UBE2G1: variants seen among roughly 807,000 people sequenced by gnomAD.
The protein encoded by UBE2G1 is ubiquitin conjugating enzyme E2 G1, also known as ubiquitin-conjugating enzyme E2 G1.
In UBE2G1, 5 loss-of-function variants were observed where a neutral mutation model predicts 22.7. That is an observed-to-expected ratio of 0.22 (90% CI 0.12 to 0.46). UBE2G1 has a LOEUF of 0.46. UBE2G1 is among the 20% of genes least tolerant of loss of function. The pLI, the probability that UBE2G1 is intolerant of heterozygous loss-of-function variation, is 0.99. For synonymous variants in UBE2G1, 74 were observed against 67.5 expected (o/e 1.10, Z -0.47); for missense variants, 88 against 203.9 (o/e 0.43, Z 3.46).
At chr17:4,358,241 T>C (rs1969929165) in intron 1 of UBE2G1, among the ~76,000 whole-genome samples, 1 of 152,182 alleles carries the variant, frequency 6.6e-6, no homozygotes, top group African/African-American at 2.4e-5. Flanking sequence ...GTATGTCCTC[T>C]TCAGTGAAAT....
chr17:4,289,270 G>A lies in UBE2G1; in HGVS notation c.386C>T (p.Ala129Val). ...AGCAGGTGAGTCTCCATTAGGGTCTGCCAGCATAGAAATGACACTAATCAT... is the reference window on the plus strand; with the variant it reads ...AGCAGGTGAGTCTCCATTAGGGTCTACCAGCATAGAAATGACACTAATCAT... ...TIMISVISMLADPNGDSPANV... is the reference protein window; with the variant it reads ...TIMISVISMLVDPNGDSPANV... The change falls in exon 4 of 6, where the codon GCA becomes GTA. Residue 129 changes from alanine (A) to valine (V), a missense_variant. Physicochemically the swap from Ala to Val is moderately conservative, Grantham distance 64 (BLOSUM62 0). Transcript: ENST00000396981. 1 of 1,596,934 alleles carries A rather than the reference G, an allele frequency of 6.3e-7. No individual in the cohort carries two copies. The highest frequency in any genetic ancestry group is 8.5e-7 in the Non-Finnish European group (1 of 1,171,972).
In UBE2G1 at chr17:4,270,253, C is replaced by A. The variant is rs1418612329; in HGVS notation, c.*2301G>T. Reference sequence around the variant, plus strand: ...TTTGCTGCTTGCTGAAGAGTCAGATCCCAAGTTTCACCTCAACAGATTGCT... The same window carrying A: ...TTTGCTGCTTGCTGAAGAGTCAGATACCAAGTTTCACCTCAACAGATTGCT... On this transcript the variant is annotated 3_prime_UTR_variant, in exon 6 of 6. Transcript: ENST00000396981. 1 of 152,584 alleles carries A rather than the reference C, an allele frequency of 6.6e-6. No homozygotes were observed. The highest frequency in any genetic ancestry group is 1.5e-5 in the Non-Finnish European group (1 of 68,024). 9.5% of individuals were successfully genotyped at this position (152,584 alleles called of 1,614,324 possible).
chr17:4,298,846 C>T (rs1225075768), intron 2 of UBE2G1, among the ~76,000 whole-genome samples: 3 of 152,120 alleles, frequency 2.0e-5, no homozygotes, highest in Admixed American at 6.5e-5. Flanking sequence ...CCCACCATAG[C>T]GCCTTACTTT....
At chr17:4,352,290 T>G (rs1029763313) in intron 1 of UBE2G1, among the ~76,000 whole-genome samples, 1 of 152,172 alleles carries the variant, frequency 6.6e-6, no homozygotes, top group African/African-American at 2.4e-5. Context: ...AGGGCAGTGA[T>G]GCACTCATGG....
chr17:4,346,652 T>C (rs1969778394), intron 1 of UBE2G1, among the ~76,000 whole-genome samples: 1 of 150,348 alleles, frequency 6.7e-6, no homozygotes, highest in Non-Finnish European at 1.5e-5. Flanking sequence ...GCCAGGCTGG[T>C]CTTGAACTCC....
At chr17:4,294,483 A>G (rs1475446520) in intron 3 of UBE2G1, among the ~76,000 whole-genome samples, 1 of 152,134 alleles carries the variant, frequency 6.6e-6, no homozygotes, top group East Asian at 1.9e-4. Context: ...AGTCTCTTCA[A>G]CCTTAAAACA....
intron 1 of UBE2G1, among the ~76,000 whole-genome samples, chr17:4,320,601 C>T (rs1235960834): frequency 6.6e-6 from 1 of 152,124 alleles, no homozygotes. Context: ...AGAATATTTT[C>T]AACTTTCTTT....
intron 1 of UBE2G1, among the ~76,000 whole-genome samples, chr17:4,340,845 T>C (rs1457972952): frequency 6.8e-6 from 1 of 147,562 alleles, no homozygotes; most frequent in Admixed American, 6.8e-5. Context: ...TGGTCTCAAG[T>C]GACCCTCCCA....
rs1381874998 is a variant in UBE2G1, at chr17:4,269,426, T to C, written c.*3128A>G. On this transcript the variant is annotated 3_prime_UTR_variant, in exon 6 of 6. Transcript: ENST00000396981. The stretch of plus-strand genomic sequence containing the variant: ...GCAACATTATGTCAAATTTCAAAGA[T>C]GCTGAGAAGTGGCAGTACAAAAAAG... 1 of 160,602 alleles carries C rather than the reference T, an allele frequency of 6.2e-6. No individual in the cohort carries two copies. Among genetic ancestry groups the C allele is most frequent in the African/African-American group, 2.4e-5 (1 of 41,472 alleles). The allele number at this position is 160,602 out of a possible 1,614,324, so 9.9% of individuals were successfully genotyped here.
At chr17:4,366,115 G>C (rs1431490043) in intron 1 of UBE2G1, among the ~76,000 whole-genome samples, 156 bp downstream of exon 1, 1 of 152,170 alleles carries the variant, frequency 6.6e-6, no homozygotes, top group African/African-American at 2.4e-5. Flanking sequence ...GGCGAGAACG[G>C]CTGGGCCCGG....
chr17:4,333,562 C>G (rs1351915287), intron 1 of UBE2G1, among the ~76,000 whole-genome samples: 1 of 152,022 alleles, frequency 6.6e-6, no homozygotes, highest in Admixed American at 6.6e-5. Flanking sequence ...TGGCTCACAC[C>G]TGTAATCCCA....
chr17:4,366,631 T>G lies in UBE2G1; in HGVS notation c.-315A>C, dbSNP rs531811287. The G allele has an allele frequency of 6.6e-4, 187 of 284,250 alleles. No individual in the cohort carries two copies. The highest frequency in any genetic ancestry group is 1.1e-3 in the Non-Finnish European group (167 of 151,352). 17.6% of individuals were successfully genotyped at this position (284,250 alleles called of 1,614,324 possible). A position where few individuals can be genotyped will look rare whatever the true frequency, so the allele number is the denominator to read the frequency against. ...CCCCACCGGTGCCTTCCCCCGCCAC[T>G]GCCTCACTGCGCGCAGGGCCGCTCG... is the stretch of plus-strand genomic sequence containing the variant. On this transcript the variant is annotated 5_prime_UTR_variant, in exon 1 of 6. Coordinates refer to ENST00000396981, the MANE Select transcript of UBE2G1 (RefSeq NM_003342.5).
At chr17:4,334,965 T>C (rs1969627468) in intron 1 of UBE2G1, among the ~76,000 whole-genome samples, 1 of 152,032 alleles carries the variant, frequency 6.6e-6, no homozygotes, top group Non-Finnish European at 1.5e-5. Flanking sequence ...CCATCATATA[T>C]AGGAAGTAGT....
At chr17:4,335,873 CTG>C (rs1424073475) in intron 1 of UBE2G1, among the ~76,000 whole-genome samples, 1 of 152,192 alleles carries the variant, frequency 6.6e-6, no homozygotes, top group Non-Finnish European at 1.5e-5. Context: ...AAGCCAGACA[CTG>C]TAGCTCTCAC....
intron 1 of UBE2G1, among the ~76,000 whole-genome samples, chr17:4,358,661 A>T (rs1969933980): frequency 6.6e-6 from 1 of 152,220 alleles, no homozygotes; most frequent in Non-Finnish European, 1.5e-5. Context: ...ATCAAGTTGA[A>T]AAAGAACTTG....
intron 2 of UBE2G1, chr17:4,302,528 T>C (rs1969196489): frequency 2.3e-6 from 1 of 442,806 alleles, no homozygotes; most frequent in Non-Finnish European, 4.5e-6. Flanking sequence ...ACTGCTGGGA[T>C]GGATGATACT....
chr17:4,314,291 T>C (rs1258320703), intron 1 of UBE2G1, among the ~76,000 whole-genome samples: 2 of 152,142 alleles, frequency 1.3e-5, no homozygotes, highest in African/African-American at 2.4e-5. Flanking sequence ...AGTAATACTA[T>C]GGTATTGTGG....
At chr17:4,358,757 G>A (rs979520834) in intron 1 of UBE2G1, among the ~76,000 whole-genome samples, 6 of 152,096 alleles carry the variant, frequency 3.9e-5, no homozygotes, top group African/African-American at 1.4e-4. Context: ...TTCAAGACCA[G>A]CCTGACTAAT....
At chr17:4,314,275 C>T (rs968276888) in intron 1 of UBE2G1, among the ~76,000 whole-genome samples, 2 of 152,116 alleles carry the variant, frequency 1.3e-5, no homozygotes, top group African/African-American at 4.8e-5. Context: ...AAAAAGGAAG[C>T]TATCGAGTAA....
Sources: allele counts gnomAD v4.1 joint callset (sites outside exome capture counted in the v4.1 genomes callset), GRCh38; gene constraint gnomAD v4.1.1; transcripts MANE v1.5; gene names NCBI Gene and HGNC (gene_info 2026-07-23, HGNC 2026-07-21).